CSMD1: variants seen among roughly 807,000 people sequenced by gnomAD.
CSMD1 encodes the protein CUB and Sushi multiple domains 1.
A neutral mutation model predicts 417.5 loss-of-function variants in CSMD1; 213 were observed. The ratio of observed to expected loss-of-function variants is 0.51; its 90% CI spans 0.46 to 0.57. The LOEUF (loss-of-function observed/expected upper bound fraction) is 0.57, where lower values mean the gene tolerates loss of function less well. Ranked by LOEUF, CSMD1 falls within the 20% of genes least tolerant of loss-of-function variation. CSMD1 has a pLI of 0.00. For synonymous variants in CSMD1, 2,862 were observed against 1,736.8 expected, an observed-to-expected ratio of 1.65 and a Z score of -16.11; for missense variants, 6,923 against 4,529.7, an observed-to-expected ratio of 1.53 and a Z score of -15.17.
intron 1 of CSMD1, 89 bp downstream of exon 1, chr8:4,994,243 C>A: frequency 1.7e-6 from 2 of 1,198,838 alleles, no homozygotes; most frequent in Non-Finnish European, 2.4e-6. Context: ...CACTCCGTAC[C>A]CTGCGGTCCC....
chr8:4,924,676 C>T (rs1272642893), intron 1 of CSMD1, among the ~76,000 whole-genome samples: 4 of 132,768 alleles, frequency 3.0e-5, no homozygotes, highest in African/African-American at 8.4e-5. Flanking sequence ...GAGCCGAGAT[C>T]GCACCATTGC....
chr8:4,081,384 T>A (rs1292631259), intron 3 of CSMD1, among the ~76,000 whole-genome samples: 1 of 152,146 alleles, frequency 6.6e-6, no homozygotes, highest in Non-Finnish European at 1.5e-5. Context: ...GATTTCTGAA[T>A]ATAGATGATT....
rs564129961 is a variant in CSMD1, at chr8:4,453,681, C to T, written c.303-33616G>A. Among the ~76,000 whole-genome samples the T allele has an allele frequency of 5.9e-5, 9 of 152,202 alleles. No homozygotes were observed. In the East Asian group the frequency reaches 7.8e-4, roughly 13 times the overall value. ...CGACACCTGCAGGTCCCGCAGTCTA[C>T]AGACCATGCCTGCTTGGGTATGCAC... On this transcript the variant is annotated intron_variant, in intron 2 of 69. Coordinates refer to ENST00000635120, the MANE Select transcript of CSMD1 (RefSeq NM_033225.6).
At chr8:4,453,676 G>C (rs1021853801) in intron 2 of CSMD1, among the ~76,000 whole-genome samples, 3 of 152,024 alleles carry the variant, frequency 2.0e-5, no homozygotes, top group Non-Finnish European at 2.9e-5. Flanking sequence ...AGGTCCCGCA[G>C]TCTACAGACC....
intron 12 of CSMD1, among the ~76,000 whole-genome samples, chr8:3,436,223 A>G (rs989602030): frequency 6.6e-6 from 1 of 152,318 alleles, no homozygotes; most frequent in African/African-American, 2.4e-5. Flanking sequence ...TTCATACACT[A>G]TTGAAAAAGA....
chr8:3,902,916 ATC>A (rs1469362549), intron 5 of CSMD1, among the ~76,000 whole-genome samples: 2 of 152,114 alleles, frequency 1.3e-5, no homozygotes, highest in Non-Finnish European at 2.9e-5. Context: ...TTAACCACTT[ATC>A]TCTTTCTCCA....
intron 6 of CSMD1, among the ~76,000 whole-genome samples, chr8:3,727,407 C>A (rs759438638): frequency 6.6e-6 from 1 of 152,180 alleles, no homozygotes; most frequent in Non-Finnish European, 1.5e-5. Context: ...GTGGATACCT[C>A]AGCTCAGATG....
At chr8:4,059,816 A>C (rs964321990) in intron 3 of CSMD1, among the ~76,000 whole-genome samples, 1 of 150,902 alleles carries the variant, frequency 6.6e-6, no homozygotes, top group African/African-American at 2.4e-5. Flanking sequence ...TTACCAACCA[A>C]AAAGAGTCCA....
chr8:4,012,857 A>G (rs1170083633), intron 4 of CSMD1, among the ~76,000 whole-genome samples: 2 of 152,086 alleles, frequency 1.3e-5, no homozygotes, highest in African/African-American at 4.8e-5. Flanking sequence ...GGTGCCATCC[A>G]TGACTCTTCT....
At chr8:4,355,456 T>A (rs539173532) in intron 3 of CSMD1, among the ~76,000 whole-genome samples, 2 of 152,202 alleles carry the variant, frequency 1.3e-5, no homozygotes, top group East Asian at 3.9e-4. Context: ...TAGGAAAGCA[T>A]AAATAGCTCA....
chr8:3,740,151 G>C (rs1404309525), intron 6 of CSMD1, among the ~76,000 whole-genome samples: 3 of 152,004 alleles, frequency 2.0e-5, no homozygotes, highest in Non-Finnish European at 4.4e-5. Context: ...TGTCCTCCAG[G>C]CTGGAGTGCA....
chr8:3,948,637 T>C (rs2129847410), intron 5 of CSMD1, among the ~76,000 whole-genome samples: 1 of 152,300 alleles, frequency 6.6e-6, no homozygotes, highest in East Asian at 1.9e-4. Context: ...CTTTCCATTA[T>C]CTAAAAGTAC....
chr8:4,986,402 G>C (rs13269289), intron 1 of CSMD1, among the ~76,000 whole-genome samples: 1 of 151,940 alleles, frequency 6.6e-6, no homozygotes, highest in African/African-American at 2.4e-5. Context: ...TAAAAAAGAA[G>C]AGGAGGAAAA....
intron 10 of CSMD1, among the ~76,000 whole-genome samples, chr8:3,572,108 A>T (rs58149397): frequency 0.031 from 4,773 of 152,206 alleles, 238 homozygotes; most frequent in Admixed American, 0.13. Flanking sequence ...CCTGCTAGGG[A>T]TGGCTGCAGA....
intron 49 of CSMD1, among the ~76,000 whole-genome samples, chr8:3,071,247 T>C (rs1002395143): frequency 4.6e-5 from 7 of 152,236 alleles, no homozygotes; most frequent in African/African-American, 1.4e-4. Context: ...TATATTAGTA[T>C]GTATATAATT....
At chr8:3,084,228 G>C (rs903878946) in intron 49 of CSMD1, among the ~76,000 whole-genome samples, 1 of 152,108 alleles carries the variant, frequency 6.6e-6, no homozygotes, top group African/African-American at 2.4e-5. Flanking sequence ...GCGTGTAAAA[G>C]ATCTACATTC....
intron 20 of CSMD1, among the ~76,000 whole-genome samples, chr8:3,362,412 T>C (rs866873722): frequency 1.3e-5 from 2 of 152,196 alleles, no homozygotes; most frequent in Non-Finnish European, 2.9e-5. Context: ...GGCTTCCTCT[T>C]ACTAAGTAGG....
intron 12 of CSMD1, among the ~76,000 whole-genome samples, chr8:3,449,214 T>G (rs767332769): frequency 3.3e-5 from 5 of 152,222 alleles, no homozygotes; most frequent in African/African-American, 1.2e-4. Flanking sequence ...CAAAATAGCA[T>G]AAACCTGAAG....
intron 37 of CSMD1, among the ~76,000 whole-genome samples, chr8:3,178,147 C>T (rs17079553): frequency 0.11 from 16,252 of 152,102 alleles, 882 homozygotes; most frequent in East Asian, 0.14. Context: ...ATACATTAAA[C>T]CAGACTTTCT....
Sources: gnomAD v4.1 joint callset for allele counts (sites outside exome capture counted in the v4.1 genomes callset) on GRCh38, gnomAD v4.1.1 for gene constraint, MANE v1.5 for transcripts, NCBI Gene and HGNC (gene_info 2026-07-23, HGNC 2026-07-21) for gene names.